The following CRIP2 variants were observed in gnomAD, a reference collection of about 807,000 sequenced individuals.
The protein encoded by CRIP2 is cysteine rich protein 2, also known as cysteine-rich protein 2.
In CRIP2, 31 loss-of-function variants were observed where a neutral mutation model predicts 31.3. That is an observed-to-expected ratio of 0.99 (90% CI 0.74 to 1.34). CRIP2 has a LOEUF of 1.34. Ranked by LOEUF, CRIP2 falls within the 40% of genes most tolerant of loss-of-function variation. CRIP2 has a pLI of 0.00. For missense variants in CRIP2, 389 were observed against 301.6 expected (o/e 1.29, Z -2.15); for synonymous variants, 177 against 127.2 (o/e 1.39, Z -2.63).
At chr14:105,476,452 A>T in intron 1 of CRIP2, 1 of 985,496 alleles carries the variant, frequency 1.0e-6, no homozygotes, top group Non-Finnish European at 1.2e-6. Context: ...GAGCACATTG[A>T]GGAGGCCACC....
upstream of CRIP2, chr14:105,474,624 G>A (rs2083892771): frequency 4.1e-6 from 1 of 246,096 alleles, no homozygotes; most frequent in South Asian, 1.5e-4. The surrounding 1 kb of genome is among the most constrained non-coding windows in gnomAD (Gnocchi z 5.1). Context: ...CCTCCGGCGC[G>A]AGGGGCCCGG....
At position 105,474,967 on chromosome 14, in the gene CRIP2, G is replaced by A; in HGVS notation, c.43+62G>A. On this transcript the variant is annotated intron_variant, in intron 1 of 7. Coordinates refer to ENST00000329146, the MANE Select transcript of CRIP2 (RefSeq NM_001312.4). This position sits in a 1 kb window ranked among gnomAD's most constrained non-coding sequence, Gnocchi z 5.1. ...CCCGCCGCCCTTCGCGGCCAGTCCC[G>A]CGCCGCAGAGCCGCGGCGTAACTCG... 7.1e-7 allele frequency: 1 copy of A among 1,413,126 alleles called. No homozygotes were observed. Among genetic ancestry groups the A allele is most frequent in the Non-Finnish European group, 9.3e-7 (1 of 1,079,042 alleles). The allele number at this position is 1,413,126 out of a possible 1,614,324, so 87.5% of individuals were successfully genotyped here.
rs1311584138 is a variant in CRIP2, at chr14:105,479,868, C to G, written c.*215C>G. On this transcript the variant is annotated 3_prime_UTR_variant, in exon 8 of 8. Coordinates refer to ENST00000329146, the MANE Select transcript of CRIP2 (RefSeq NM_001312.4). ...TGGCATCCTCTGGGCGTCCCATGAT[C>G]CCTTCTGTGTCTGCGTGTCCGAATC... 1.8e-5 allele frequency: 11 copies of G among 599,332 alleles called. No individual in the cohort carries two copies. In the African/African-American group the frequency reaches 2.0e-4, roughly 11 times the overall value. The allele number at this position is 599,332 out of a possible 1,614,324, so 37.1% of individuals were successfully genotyped here.
At chr14:105,475,003 G>A in intron 1 of CRIP2, 98 bp downstream of exon 1, 2 of 1,261,470 alleles carry the variant, frequency 1.6e-6, no homozygotes, top group South Asian at 2.1e-5. Flanking sequence ...GGGTGCGCCC[G>A]GCCCCGGCCC....
At position 105,478,426 on chromosome 14, in the gene CRIP2, C is replaced by T. The variant is rs587647248; in HGVS notation, c.139-24C>T. 3 of 1,597,606 alleles carry T rather than the reference C, an allele frequency of 1.9e-6. No individual in the cohort carries two copies. Among genetic ancestry groups the T allele is most frequent in the East Asian group, 4.5e-5 (2 of 44,386 alleles). ...GACTCCCGCCACCCTCAGGCAGGGT[C>T]CTGACCCGCGCCCCTCTGCGCAGCA... On this transcript the variant is annotated intron_variant, in intron 2 of 7. Coordinates refer to ENST00000329146, the MANE Select transcript of CRIP2 (RefSeq NM_001312.4). The surrounding 1 kb of genome is among the most constrained non-coding windows in gnomAD (Gnocchi z 4.9).
chr14:105,474,433 G>C (rs1161376078), upstream of CRIP2: 1 of 151,640 alleles, frequency 6.6e-6, no homozygotes, highest in Non-Finnish European at 1.5e-5. The surrounding 1 kb of genome is among the most constrained non-coding windows in gnomAD (Gnocchi z 5.1). Flanking sequence ...GGCGCCCAGG[G>C]CCGGGAGTGT....
chr14:105,473,022 G>A, upstream of CRIP2: 1 of 607,038 alleles, frequency 1.6e-6, no homozygotes, highest in East Asian at 2.8e-5. Flanking sequence ...AGCCAGCCCT[G>A]TCCTCCAGAG....
chr14:105,476,268 G>A (rs962361875), intron 1 of CRIP2: 2 of 985,392 alleles, frequency 2.0e-6, no homozygotes, highest in Non-Finnish European at 2.4e-6. Flanking sequence ...GCCCGGAAAG[G>A]CCTGCCTGCC....
chr14:105,477,353 G>A (rs374587948), intron 1 of CRIP2: 24 of 983,786 alleles, frequency 2.4e-5, no homozygotes, highest in Non-Finnish European at 2.7e-5. Flanking sequence ...GCATTACGGC[G>A]GGGGGAGAGC....
At chr14:105,473,452 G>A (rs1369601604), upstream of CRIP2, 4 of 1,535,620 alleles carry the variant, frequency 2.6e-6, no homozygotes, top group African/African-American at 2.7e-5. Context: ...TGAAAGCCAG[G>A]AGCACCGAGG....
chr14:105,476,481 G>T, intron 1 of CRIP2: 1 of 985,570 alleles, frequency 1.0e-6, no homozygotes, highest in Non-Finnish European at 1.2e-6. Context: ...CATGCAGCCA[G>T]GGTGGGCAGC....
chr14:105,476,277 C>T (rs973622696), intron 1 of CRIP2: 33 of 985,548 alleles, frequency 3.3e-5, no homozygotes, highest in Non-Finnish European at 3.9e-5. Flanking sequence ...GGCCTGCCTG[C>T]CTGGCCCGCC....
chr14:105,477,304 C>T, intron 1 of CRIP2: 1 of 985,484 alleles, frequency 1.0e-6, no homozygotes, highest in South Asian at 4.7e-5. Flanking sequence ...GGACCCTCAG[C>T]AGCTGCCCTC....
At position 105,478,858 on chromosome 14, in the gene CRIP2, G is replaced by A. The variant is rs1228193632; in HGVS notation, c.324G>A (p.Lys108=). ...AEERKASGPP[K]GPSRASSVTT... is the part of the protein sequence containing the mutation. ...AGCGGAAGGCGAGCGGCCCCCCGAA[G>A]GGGCCCAGCAGAGGTGGGCTGGGCG... Residue 108 remains lysine, a synonymous_variant, in exon 4 of 8, where the codon AAG becomes AAA. Coordinates refer to ENST00000329146, the MANE Select transcript of CRIP2 (RefSeq NM_001312.4). This position sits in a 1 kb window ranked among gnomAD's most constrained non-coding sequence, Gnocchi z 4.9. 7 of 1,428,504 alleles carry A rather than the reference G, an allele frequency of 4.9e-6. No individual in the cohort carries two copies. In the African/African-American group the frequency reaches 9.0e-5, roughly 18 times the overall value. The allele number at this position is 1,428,504 out of a possible 1,614,324, so 88.5% of individuals were successfully genotyped here.
In CRIP2 at chr14:105,478,535, C is replaced by T. The variant is rs1555436448; in HGVS notation, c.196+28C>T. ...GAGCTCCGGCTGCCCTCGGCCTGCC[C>T]TGGGACCTGCTGGGAGGGGCGTGGC... On this transcript the variant is annotated intron_variant, in intron 3 of 7. Coordinates refer to ENST00000329146, the MANE Select transcript of CRIP2 (RefSeq NM_001312.4). This position sits in a 1 kb window ranked among gnomAD's most constrained non-coding sequence, Gnocchi z 4.9. 3 of 1,595,556 alleles carry T rather than the reference C, an allele frequency of 1.9e-6. No individual in the cohort carries two copies. The highest frequency in any genetic ancestry group is 4.5e-5 in the East Asian group (2 of 44,264).
chr14:105,479,972 C>G lies in CRIP2; in HGVS notation c.*319C>G. ...GCTGTCCGCTCTCCCTCTCCTGCTGCCCACCCACCTGCCAGTGTTATTTAT... is the reference window on the plus strand; with the variant it reads ...GCTGTCCGCTCTCCCTCTCCTGCTGGCCACCCACCTGCCAGTGTTATTTAT... On this transcript the variant is annotated 3_prime_UTR_variant, in exon 8 of 8. Coordinates refer to ENST00000329146, the MANE Select transcript of CRIP2 (RefSeq NM_001312.4). 2.6e-6 allele frequency: 1 copy of G among 386,154 alleles called. No individual in the cohort carries two copies. Among genetic ancestry groups the G allele is most frequent in the East Asian group, 5.1e-5 (1 of 19,506 alleles). The allele number at this position is 386,154 out of a possible 1,614,324, so 23.9% of individuals were successfully genotyped here.
intron 6 of CRIP2, 42 bp downstream of exon 6, chr14:105,479,261 C>T (rs1555436768): frequency 1.0e-6 from 1 of 965,184 alleles, no homozygotes; most frequent in Non-Finnish European, 1.6e-6. Flanking sequence ...GGCAGGGGCG[C>T]GGGGTCGGGG....
Position 105,479,711 on chromosome 14 carries a change from C to T in CRIP2, c.*58C>T. The T allele has an allele frequency of 2.6e-6, 4 of 1,554,126 alleles. No homozygotes were observed. The highest frequency in any genetic ancestry group is 1.2e-5 in the South Asian group (1 of 86,284). Reference sequence around the variant, plus strand: ...GCGCCCCAGACCCTGCAGGGGCCCCCCTGCTTGGCTCTGCTGGGAGAGTGC... The same window carrying T: ...GCGCCCCAGACCCTGCAGGGGCCCCTCTGCTTGGCTCTGCTGGGAGAGTGC... On this transcript the variant is annotated 3_prime_UTR_variant, in exon 8 of 8. Coordinates refer to ENST00000329146, the MANE Select transcript of CRIP2 (RefSeq NM_001312.4).
intron 1 of CRIP2, chr14:105,476,144 G>A (rs1487417235): frequency 6.1e-6 from 6 of 985,462 alleles, no homozygotes; most frequent in Non-Finnish European, 7.2e-6. Context: ...TAAGGCTTAG[G>A]GTGGGAGACG....
Sources: gnomAD v4.1 joint callset for allele counts on GRCh38, gnomAD v4.1.1 for gene constraint, Gnocchi (gnomAD v3.1) non-coding constraint, MANE v1.5 for transcripts, NCBI Gene and HGNC (gene_info 2026-07-23, HGNC 2026-07-21) for gene names.